Variants in RNF10 observed in about 807,000 individuals in gnomAD.
RNF10 encodes the protein E3 ubiquitin-protein ligase RNF10.
RNF10 carries 38 observed loss-of-function variants against 91.4 expected under a neutral mutation model. That is an observed-to-expected ratio of 0.42 (90% CI 0.32 to 0.54). The LOEUF (loss-of-function observed/expected upper bound fraction) is 0.54. Ranked by LOEUF, RNF10 falls within the 20% of genes least tolerant of loss-of-function variation. The pLI is 0.16. For synonymous variants in RNF10, 364 were observed against 366.3 expected (o/e 0.99, Z 0.07); for missense variants, 945 against 1,012.0 (o/e 0.93, Z 0.90).
At position 120,548,378 on chromosome 12, in the gene RNF10, G is replaced by A. The variant is rs143229921; in HGVS notation, c.354+1777G>A. Among the ~76,000 whole-genome samples, 1,327 of 152,218 alleles carry A rather than the reference G, an allele frequency of 8.7e-3. 34 individuals carry two copies. Among genetic ancestry groups the A allele is most frequent in the Middle Eastern group, 0.024 (7 of 294 alleles). On this transcript the variant is annotated intron_variant, in intron 2 of 16. Coordinates refer to ENST00000325954, the MANE Select transcript of RNF10 (RefSeq NM_014868.5). ...TTCAAGAACTGAACCTCTGAGTCTG[G>A]ATAAGAAACCAGCAGAAGAGAGCAC...
Position 120,562,926 on chromosome 12 carries a change from T to G in RNF10, c.1129-19T>G. 4 of 1,613,712 alleles carry G rather than the reference T, an allele frequency of 2.5e-6. No homozygotes were observed. The highest frequency in any genetic ancestry group is 3.4e-6 in the Non-Finnish European group (4 of 1,179,754). On this transcript the variant is annotated intron_variant, in intron 7 of 16. Transcript: ENST00000325954. Reference sequence around the variant, plus strand: ...TCTGGAAACTTAACCTTCTCTGGTGTTCTCTCTGGCCACGTTAGACTCGGG... The same window carrying G: ...TCTGGAAACTTAACCTTCTCTGGTGGTCTCTCTGGCCACGTTAGACTCGGG...
At chr12:120,555,150 T>C (rs577037685) in intron 4 of RNF10, among the ~76,000 whole-genome samples, 2 of 152,376 alleles carry the variant, frequency 1.3e-5, no homozygotes, top group South Asian at 4.1e-4. Context: ...GCCTCAGCCT[T>C]GTGGCAGGGA....
rs755749788 is a variant in RNF10 at position 120,536,389 on chromosome 12, A to G, written c.157+1421A>G. On this transcript the variant is annotated intron_variant, in intron 1 of 16. Coordinates refer to ENST00000325954, the MANE Select transcript of RNF10 (RefSeq NM_014868.5). Reference sequence around the variant, plus strand: ...GCGGTGAGCTATATCACGATACTGCATACCATCCAGCCTGGGTAACAGAGA... The same window carrying G: ...GCGGTGAGCTATATCACGATACTGCGTACCATCCAGCCTGGGTAACAGAGA... 3.9e-5 allele frequency among the ~76,000 whole-genome samples: 6 copies of G among 152,338 alleles called. No individual in the cohort carries two copies. In the South Asian group the frequency reaches 1.0e-3, roughly 26 times the overall value.
At chr12:120,537,866 T>G (rs1352394228) in intron 1 of RNF10, among the ~76,000 whole-genome samples, 1 of 152,102 alleles carries the variant, frequency 6.6e-6, no homozygotes, top group Non-Finnish European at 1.5e-5. Context: ...AAAGGCAGGA[T>G]ATGTGGAGAT....
chr12:120,568,991 A>G (rs1362951486), intron 13 of RNF10, among the ~76,000 whole-genome samples: 7 of 151,172 alleles, frequency 4.6e-5, no homozygotes, highest in East Asian at 2.0e-4. Flanking sequence ...TTTGTTTTAG[A>G]TGGAGTTTCG....
chr12:120,566,123 C>T (rs1020662504), intron 12 of RNF10, among the ~76,000 whole-genome samples: 2 of 152,154 alleles, frequency 1.3e-5, no homozygotes, highest in Non-Finnish European at 2.9e-5. Context: ...CTCCATATGG[C>T]ATGGAAACAT....
rs924211040 is a variant in RNF10 at position 120,534,494 on chromosome 12, T to TCCGG, written c.-304_-301dup. The TCCGG allele has an allele frequency of 1.0e-4, 22 of 217,658 alleles. No homozygotes were observed. Among genetic ancestry groups the TCCGG allele is most frequent in the Middle Eastern group, 1.6e-3 (1 of 616 alleles). The allele number at this position is 217,658 out of a possible 1,614,324, so 13.5% of individuals were successfully genotyped here. A position where few individuals can be genotyped will look rare whatever the true frequency, so the allele number is the denominator to read the frequency against. On this transcript the variant is annotated 5_prime_UTR_variant, in exon 1 of 17. Coordinates refer to ENST00000325954, the MANE Select transcript of RNF10 (RefSeq NM_014868.5). ...CCCTGCCTCGCGGCGGGAGAGCGTG[T>TCCGG]CCGGCCGGCCGGCCGGCGGGGCTCG...
chr12:120,573,075 T>C (rs982406456), intron 14 of RNF10, among the ~76,000 whole-genome samples: 1 of 152,156 alleles, frequency 6.6e-6, no homozygotes. Flanking sequence ...TTTTTCTGTG[T>C]TGAAAAGAAG....
intron 1 of RNF10, among the ~76,000 whole-genome samples, chr12:120,541,672 G>A (rs1237611722): frequency 6.6e-6 from 1 of 151,088 alleles, no homozygotes; most frequent in African/African-American, 2.4e-5. Flanking sequence ...CTGACTTCGT[G>A]ATCCACCTGC....
In RNF10 at chr12:120,565,062, T is replaced by C. The variant is rs770071879; in HGVS notation, c.1666-10T>C. On this transcript the variant is annotated splice_polypyrimidine_tract_variant and intron_variant, in intron 10 of 16. Coordinates refer to ENST00000325954, the MANE Select transcript of RNF10 (RefSeq NM_014868.5). ...GCTTTTGTTGAGTATTGGTCCTTTTTCCAATGTAGGATGTTCGACAGCGTC... is the reference window on the plus strand; with the variant it reads ...GCTTTTGTTGAGTATTGGTCCTTTTCCCAATGTAGGATGTTCGACAGCGTC... 1 of 1,598,176 alleles carries C rather than the reference T, an allele frequency of 6.3e-7. No individual in the cohort carries two copies. Among genetic ancestry groups the C allele is most frequent in the Non-Finnish European group, 8.6e-7 (1 of 1,165,470 alleles).
At chr12:120,554,076 T>C (rs1188702515) in intron 3 of RNF10, 2 of 152,068 alleles carry the variant, frequency 1.3e-5, no homozygotes, top group Admixed American at 1.3e-4. Context: ...GGCTAATTTT[T>C]TTTGTATTTT....
At chr12:120,538,584 C>T (rs1485801308) in intron 1 of RNF10, among the ~76,000 whole-genome samples, 3 of 152,098 alleles carry the variant, frequency 2.0e-5, no homozygotes, top group Admixed American at 1.3e-4. Context: ...AGTAAATATC[C>T]TGTGAATATA....
chr12:120,553,018 C>T (rs1304819981), intron 3 of RNF10, among the ~76,000 whole-genome samples: 1 of 137,468 alleles, frequency 7.3e-6, no homozygotes, highest in Non-Finnish European at 1.5e-5. Context: ...TTAGCCTCTC[C>T]TTTATAAGGA....
chr12:120,554,538 CT>C, intron 3 of RNF10, 179 bp from the exon 4 acceptor site: 1 of 571,606 alleles, frequency 1.7e-6, no homozygotes, highest in Non-Finnish European at 3.2e-6. Context: ...CCTGCTGAGT[CT>C]TTGGGTTCTT....
At chr12:120,536,422 C>T (rs1870809657) in intron 1 of RNF10, among the ~76,000 whole-genome samples, 2 of 152,082 alleles carry the variant, frequency 1.3e-5, no homozygotes, top group South Asian at 2.1e-4. Context: ...AGACCCCCAT[C>T]TCTAAACAGT....
At chr12:120,538,190 CTT>C (rs1871107582) in intron 1 of RNF10, among the ~76,000 whole-genome samples, 1 of 152,160 alleles carries the variant, frequency 6.6e-6, no homozygotes, top group Non-Finnish European at 1.5e-5. Context: ...GATAGTTTAT[CTT>C]TTGTCAAGGT....
chr12:120,534,767 G>A lies in RNF10; in HGVS notation c.-45G>A. 1 of 1,521,146 alleles carries A rather than the reference G, an allele frequency of 6.6e-7. No homozygotes were observed. Among genetic ancestry groups the A allele is most frequent in the Non-Finnish European group, 8.8e-7 (1 of 1,142,060 alleles). The allele number at this position is 1,521,146 out of a possible 1,614,324, so 94.2% of individuals were successfully genotyped here. On this transcript the variant is annotated 5_prime_UTR_variant, in exon 1 of 17. Transcript: ENST00000325954. ...AACGCCATGAGCCTGGGTCCCCGCCGCGCCCGCTCCGCTCCGACTGCCGTC... is the reference window on the plus strand; with the variant it reads ...AACGCCATGAGCCTGGGTCCCCGCCACGCCCGCTCCGCTCCGACTGCCGTC...
chr12:120,548,452 G>C (rs1336658627), intron 2 of RNF10, among the ~76,000 whole-genome samples: 1 of 152,170 alleles, frequency 6.6e-6, no homozygotes, highest in Non-Finnish European at 1.5e-5. Context: ...AAGGTGATCA[G>C]TTTTGTCAAG....
At position 120,534,667 on chromosome 12, in the gene RNF10, C is replaced by G. The variant is rs1870460604; in HGVS notation, c.-145C>G. 6 of 1,372,780 alleles carry G rather than the reference C, an allele frequency of 4.4e-6. No individual in the cohort carries two copies. The South Asian group carries it at 1.0e-4, about 23-fold the overall frequency. 85.0% of individuals were successfully genotyped at this position (1,372,780 alleles called of 1,614,324 possible). On this transcript the variant is annotated 5_prime_UTR_variant, in exon 1 of 17. Transcript: ENST00000325954. Reference sequence around the variant, plus strand: ...CCGCTTCTCTTCCTAGTTTGAGAAGCCAAGGAAGGAAACAGGGAAAAATGT... The same window carrying G: ...CCGCTTCTCTTCCTAGTTTGAGAAGGCAAGGAAGGAAACAGGGAAAAATGT...
Sources: allele counts gnomAD v4.1 joint callset (sites outside exome capture counted in the v4.1 genomes callset), GRCh38; gene constraint gnomAD v4.1.1; transcripts MANE v1.5; gene names NCBI Gene and HGNC (gene_info 2026-07-23, HGNC 2026-07-21).